Variants in CHN1 observed in about 807,000 individuals in gnomAD.
CHN1 encodes N-chimaerin.
In CHN1, 37 loss-of-function variants were observed where a neutral mutation model predicts 59.5. That is an observed-to-expected ratio of 0.62 (90% confidence interval 0.48 to 0.82). CHN1 has a LOEUF of 0.82. Among genes scored for constraint, CHN1 ranks in the 40% least tolerant of loss-of-function variants. The pLI is 0.00. For missense variants in CHN1, 469 were observed against 571.0 expected (o/e 0.82, Z 1.82); for synonymous variants, 206 against 200.4 (o/e 1.03, Z -0.24).
chr2:174,977,110 A>C (rs1690971781), intron 1 of CHN1, among the ~76,000 whole-genome samples: 2 of 152,168 alleles, frequency 1.3e-5, no homozygotes, highest in Admixed American at 6.5e-5. Context: ...ACTTCTGTGA[A>C]GTTTCAGAAA....
intron 3 of CHN1, among the ~76,000 whole-genome samples, chr2:174,931,200 G>A (rs923815372): frequency 6.6e-6 from 1 of 151,490 alleles, no homozygotes; most frequent in Non-Finnish European, 1.5e-5. Flanking sequence ...TCAATAATTC[G>A]CAGCTATCAC....
intron 10 of CHN1, 31 bp downstream of exon 10, chr2:174,811,480 C>A: frequency 1.3e-6 from 2 of 1,501,226 alleles, no homozygotes. Flanking sequence ...GTATTATTGT[C>A]CTAAGTTATG....
intron 1 of CHN1, among the ~76,000 whole-genome samples, chr2:175,000,748 T>TTAG (rs1269747200): frequency 6.6e-6 from 1 of 151,956 alleles, no homozygotes; most frequent in East Asian, 1.9e-4. Flanking sequence ...CCAGGCTTTA[T>TTAG]TATTATTATT....
In CHN1 at chr2:175,005,327, G is replaced by A; in HGVS notation, c.-415C>T. On this transcript the variant is annotated 5_prime_UTR_variant, in exon 1 of 13. Coordinates refer to ENST00000409900, the MANE Select transcript of CHN1 (RefSeq NM_001822.7). ...CCTCGCACAGCCCCCGGCGGGGCGC[G>A]CTCACTCCGCATCCCGCGGCCTCGC... is the stretch of plus-strand genomic sequence containing the variant. The A allele has an allele frequency of 5.1e-6, 6 of 1,171,896 alleles. No homozygotes were observed. Among genetic ancestry groups the A allele is most frequent in the South Asian group, 3.5e-5 (2 of 57,204 alleles). 72.6% of individuals were successfully genotyped at this position (1,171,896 alleles called of 1,614,324 possible). A position where few individuals can be genotyped will look rare whatever the true frequency, so the allele number is the denominator to read the frequency against.
chr2:174,923,153 C>G (rs982076325), intron 3 of CHN1, among the ~76,000 whole-genome samples: 12 of 126,480 alleles, frequency 9.5e-5, no homozygotes, highest in Non-Finnish European at 1.7e-4. Flanking sequence ...TTTTTTTTTT[C>G]TTTTTGAGAC....
At position 174,915,303 on chromosome 2, in the gene CHN1, G is replaced by A. The variant is rs2105370558; in HGVS notation, c.147-132C>T. The A allele has an allele frequency of 5.6e-6, 4 of 716,596 alleles. No homozygotes were observed. In the Admixed American group the frequency reaches 7.0e-5, roughly 13 times the overall value. 44.4% of individuals were successfully genotyped at this position (716,596 alleles called of 1,614,324 possible). A position where few individuals can be genotyped will look rare whatever the true frequency, so the allele number is the denominator to read the frequency against. ...AGTACTGCCACATAATGGAAGGGAAGCACTTGGGTTTAACTATGCTTGTGT... is the reference window on the plus strand; with the variant it reads ...AGTACTGCCACATAATGGAAGGGAAACACTTGGGTTTAACTATGCTTGTGT... On this transcript the variant is annotated intron_variant, in intron 4 of 12. Coordinates refer to ENST00000409900, the MANE Select transcript of CHN1 (RefSeq NM_001822.7).
At chr2:174,893,662 C>T (rs1378336309) in intron 5 of CHN1, among the ~76,000 whole-genome samples, 1 of 152,132 alleles carries the variant, frequency 6.6e-6, no homozygotes, top group South Asian at 2.1e-4. Context: ...CAAAAGACCA[C>T]AAATGGCCAA....
intron 6 of CHN1, among the ~76,000 whole-genome samples, chr2:174,857,536 A>G (rs1406925959): frequency 1.3e-5 from 2 of 152,138 alleles, no homozygotes; most frequent in Non-Finnish European, 1.5e-5. Flanking sequence ...ATAAATATAA[A>G]CGAAATTATA....
intron 7 of CHN1, among the ~76,000 whole-genome samples, chr2:174,828,841 C>G (rs957789486): frequency 4.6e-5 from 7 of 152,140 alleles, no homozygotes; most frequent in Non-Finnish European, 1.0e-4. Context: ...TGACTTTTGC[C>G]TAGAATTGCC....
intron 5 of CHN1, among the ~76,000 whole-genome samples, chr2:174,888,935 G>C (rs1687970309): frequency 6.6e-6 from 1 of 152,142 alleles, no homozygotes; most frequent in African/African-American, 2.4e-5. Flanking sequence ...ATCCACAAAA[G>C]GTGGGAGGGA....
Position 174,871,121 on chromosome 2 carries a change from T to A in CHN1, c.549+6719A>T, listed in dbSNP as rs974945558. ...TTAATCATTACAGCATGGGATTCTC[T>A]GGTAAGGTGTAGATGGTCCCAACAC... On this transcript the variant is annotated intron_variant, in intron 6 of 12. Transcript: ENST00000409900. 5.3e-5 allele frequency among the ~76,000 whole-genome samples: 8 copies of A among 151,692 alleles called. No individual in the cohort carries two copies. The East Asian group carries it at 1.4e-3, about 26-fold the overall frequency.
At chr2:174,840,657 G>T (rs1366305794) in intron 7 of CHN1, among the ~76,000 whole-genome samples, 1 of 152,164 alleles carries the variant, frequency 6.6e-6, no homozygotes, top group African/African-American at 2.4e-5. Flanking sequence ...GGAGGAAACG[G>T]AGCTAGGAAA....
intron 1 of CHN1, among the ~76,000 whole-genome samples, chr2:174,962,669 G>A (rs984346472): frequency 1.4e-4 from 11 of 78,092 alleles, no homozygotes; most frequent in Admixed American, 1.0e-4. Flanking sequence ...GGCCCGGGGG[G>A]GGGGGGGGGG....
chr2:174,806,823 ACT>A (rs1470123371), intron 11 of CHN1, among the ~76,000 whole-genome samples: 1 of 152,078 alleles, frequency 6.6e-6, no homozygotes, highest in Non-Finnish European at 1.5e-5. Context: ...AATGAAACAG[ACT>A]CTACTGCCAG....
chr2:174,946,143 T>C (rs1349742938), intron 2 of CHN1, among the ~76,000 whole-genome samples: 1 of 152,140 alleles, frequency 6.6e-6, no homozygotes, highest in Non-Finnish European at 1.5e-5. Flanking sequence ...ATTTTCCTTA[T>C]TTGCAAAATG....
At chr2:174,912,547 A>G (rs1042363085) in intron 5 of CHN1, among the ~76,000 whole-genome samples, 1 of 152,234 alleles carries the variant, frequency 6.6e-6, no homozygotes, top group Non-Finnish European at 1.5e-5. Flanking sequence ...CCTAGTTGAC[A>G]CAGTAAATGC....
intron 7 of CHN1, among the ~76,000 whole-genome samples, chr2:174,839,748 C>A (rs1006250133): frequency 6.6e-6 from 1 of 152,052 alleles, no homozygotes; most frequent in African/African-American, 2.4e-5. Context: ...GGACTACAGG[C>A]ATGTGCCACC....
chr2:174,874,657 A>G (rs976414797), intron 6 of CHN1, among the ~76,000 whole-genome samples: 9 of 152,096 alleles, frequency 5.9e-5, no homozygotes, highest in African/African-American at 1.7e-4. Flanking sequence ...TCATCTTTCT[A>G]TTTTAAAACA....
intron 6 of CHN1, among the ~76,000 whole-genome samples, chr2:174,872,500 G>A (rs1441015149): frequency 6.6e-6 from 1 of 152,168 alleles, no homozygotes; most frequent in East Asian, 1.9e-4. Flanking sequence ...TCAGGCAAAG[G>A]AGAGTTAAAA....
Sources: allele counts gnomAD v4.1 joint callset (sites outside exome capture counted in the v4.1 genomes callset), GRCh38; gene constraint gnomAD v4.1.1; transcripts MANE v1.5; gene names NCBI Gene and HGNC (gene_info 2026-07-23, HGNC 2026-07-21).